Variants in CRYBG1 observed in about 807,000 individuals in gnomAD.
CRYBG1 encodes crystallin beta-gamma domain containing 1, also known as beta/gamma crystallin domain-containing protein 1.
In CRYBG1, 139 loss-of-function variants were observed where a neutral mutation model predicts 189.2. The ratio of observed to expected loss-of-function variants is 0.73; its 90% confidence interval spans 0.64 to 0.85. The LOEUF (loss-of-function observed/expected upper bound fraction) is 0.85, where lower values mean the gene tolerates loss of function less well. Among genes scored for constraint, CRYBG1 ranks in the 40% least tolerant of loss-of-function variants. The pLI is 0.00. For synonymous variants in CRYBG1, 1,023 were observed against 1,017.1 expected (o/e 1.01, Z -0.11); for missense variants, 2,611 against 2,675.8 (o/e 0.98, Z 0.53).
chr6:106,397,869 G>C (rs1770643652), intron 1 of CRYBG1, among the ~76,000 whole-genome samples: 2 of 152,150 alleles, frequency 1.3e-5, no homozygotes, highest in Non-Finnish European at 2.9e-5. Flanking sequence ...GCATAAATGT[G>C]GGAATTTGAG....
intron 2 of CRYBG1, among the ~76,000 whole-genome samples, chr6:106,485,580 C>T (rs1464193697): frequency 2.0e-5 from 3 of 152,114 alleles, no homozygotes; most frequent in Non-Finnish European, 4.4e-5. Context: ...TATTTGTGAT[C>T]ACTGTTTCAT....
intron 2 of CRYBG1, among the ~76,000 whole-genome samples, chr6:106,488,255 T>G (rs1772634590): frequency 6.6e-6 from 1 of 152,208 alleles, no homozygotes; most frequent in Non-Finnish European, 1.5e-5. Flanking sequence ...CACTGTGCTA[T>G]CTGTCAGGTC....
rs1770995479 is a variant in CRYBG1, at chr6:106,415,008, T to C, written c.174-36686T>C. ...GCAGGATTTTGAAGAAATCCTCTTC[T>C]TTTTTTTCACATAAATGTGTCTTTA... On this transcript the variant is annotated intron_variant, in intron 1 of 21. Transcript: ENST00000633556. Among the ~76,000 whole-genome samples the C allele has an allele frequency of 2.7e-5, 4 of 150,298 alleles. 1 individual carries two copies. Among genetic ancestry groups the C allele is most frequent in the Non-Finnish European group, 5.9e-5 (4 of 67,982 alleles).
chr6:106,385,450 C>A (rs959501254), intron 1 of CRYBG1, among the ~76,000 whole-genome samples: 1 of 152,270 alleles, frequency 6.6e-6, no homozygotes, highest in East Asian at 1.9e-4. Flanking sequence ...GCCAGAAAGC[C>A]ATCCAGTCAT....
chr6:106,401,218 T>G (rs1770713245), intron 1 of CRYBG1, among the ~76,000 whole-genome samples: 1 of 152,198 alleles, frequency 6.6e-6, no homozygotes, highest in Non-Finnish European at 1.5e-5. Context: ...GTTGGATTCA[T>G]TTTTTAATGA....
intron 16 of CRYBG1, among the ~76,000 whole-genome samples, chr6:106,555,088 C>A (rs1238745745): frequency 4.0e-5 from 6 of 151,784 alleles, no homozygotes; most frequent in African/African-American, 1.2e-4. Context: ...TTGCTTGAAC[C>A]CAGGAGGCAG....
intron 2 of CRYBG1, among the ~76,000 whole-genome samples, chr6:106,480,828 C>T (rs1253154993): frequency 6.7e-6 from 1 of 149,904 alleles, no homozygotes; most frequent in African/African-American, 2.4e-5. Flanking sequence ...AAAACTTAGC[C>T]AGGAAGGGTG....
chr6:106,464,786 C>T (rs1170460340), intron 2 of CRYBG1, among the ~76,000 whole-genome samples: 9 of 152,158 alleles, frequency 5.9e-5, no homozygotes, highest in Admixed American at 4.6e-4. Flanking sequence ...ATACTTCTTC[C>T]GAGAATTAAC....
At chr6:106,451,971 GTAATA>G (rs1771790337) in intron 2 of CRYBG1, 139 bp downstream of exon 2, 2 of 356,452 alleles carry the variant, frequency 5.6e-6, no homozygotes, top group Admixed American at 1.0e-4. Flanking sequence ...TATATCATAT[GTAATA>G]TATGTTATAT....
rs1413112812 is a variant in CRYBG1 at position 106,570,328 on chromosome 6, C to T, written c.*1762C>T. The T allele has an allele frequency of 2.0e-5, 3 of 152,164 alleles. No individual in the cohort carries two copies. Among genetic ancestry groups the T allele is most frequent in the Non-Finnish European group, 4.4e-5 (3 of 68,050 alleles). The allele number at this position is 152,164 out of a possible 1,614,324, so 9.4% of individuals were successfully genotyped here. Reference sequence around the variant, plus strand: ...CAGCATCCAACATATCTGTCTTGTTCCTAGATATATAGCTCTGATTTTAGG... The same window carrying T: ...CAGCATCCAACATATCTGTCTTGTTTCTAGATATATAGCTCTGATTTTAGG... On this transcript the variant is annotated 3_prime_UTR_variant, in exon 22 of 22. Transcript: ENST00000633556.
intron 1 of CRYBG1, among the ~76,000 whole-genome samples, chr6:106,381,160 C>G (rs188183919): frequency 4.0e-4 from 61 of 152,330 alleles, no homozygotes; most frequent in African/African-American, 1.4e-3. Context: ...TATCCAGACA[C>G]TCCTATATAC....
At chr6:106,560,200 ATCCAGGATTTAAGT>A (rs564301146) in intron 18 of CRYBG1, among the ~76,000 whole-genome samples, 213 of 152,334 alleles carry the variant, frequency 1.4e-3, no homozygotes, top group African/African-American at 5.0e-3. Flanking sequence ...ATAAAATTTT[ATCCAGGATTTAAGT>A]TCCAGGATTA....
chr6:106,565,398 C>T (rs567097044), intron 21 of CRYBG1, among the ~76,000 whole-genome samples: 4 of 151,904 alleles, frequency 2.6e-5, no homozygotes, highest in Admixed American at 6.5e-5. Flanking sequence ...TAATGGAGAA[C>T]GAATCTGGAC....
chr6:106,393,850 T>C (rs1182143618), intron 1 of CRYBG1, among the ~76,000 whole-genome samples: 1 of 152,078 alleles, frequency 6.6e-6, no homozygotes, highest in Non-Finnish European at 1.5e-5. Flanking sequence ...TTTATGTATT[T>C]TTAGTACAGA....
At position 106,544,665 on chromosome 6, in the gene CRYBG1, G is replaced by A. The variant is rs1229919695; in HGVS notation, c.5134G>A (p.Gly1712Arg). The A allele has an allele frequency of 1.2e-6, 2 of 1,613,992 alleles. No homozygotes were observed. Among genetic ancestry groups the A allele is most frequent in the African/African-American group, 2.7e-5 (2 of 74,932 alleles). Residue 1712 changes from glycine to arginine, a missense_variant, in exon 12 of 22, where the codon GGA becomes AGA. Physicochemically the swap from Gly to Arg is moderately radical, Grantham distance 125. Transcript: ENST00000633556. ...RDWKAWGGYNGELQSLRPILG... is the reference protein window; with the variant it reads ...RDWKAWGGYNRELQSLRPILG... ...CTGGAAAGCCTGGGGAGGTTACAAT[G>A]GAGAGCTTCAGTCTTTACGACCTAT... is the stretch of plus-strand genomic sequence containing the variant.
Position 106,511,543 on chromosome 6 carries a change from C to A in CRYBG1, c.426C>A (p.Thr142=). 2.6e-6 allele frequency: 4 copies of A among 1,535,768 alleles called. No homozygotes were observed. Among genetic ancestry groups the A allele is most frequent in the Non-Finnish European group, 8.7e-7 (1 of 1,146,626 alleles). Residue 142 remains threonine, a synonymous_variant, in exon 3 of 22, where the codon ACC becomes ACA. Transcript: ENST00000633556. ...GTAGAAACGGGTTAGAGAGTCCCAC[C>A]AGATCAAATGCCAAACCACTCTCTC... ...RNSRNGLESP[T]RSNAKPLSPK...
At chr6:106,461,524 G>A (rs941709290) in intron 2 of CRYBG1, among the ~76,000 whole-genome samples, 2 of 152,212 alleles carry the variant, frequency 1.3e-5, no homozygotes, top group African/African-American at 4.8e-5. Context: ...TGACTGGAGA[G>A]ATGAAAACTT....
intron 1 of CRYBG1, among the ~76,000 whole-genome samples, chr6:106,450,314 C>G (rs1334243090): frequency 2.0e-5 from 3 of 152,226 alleles, no homozygotes; most frequent in African/African-American, 7.2e-5. Flanking sequence ...TCTTCCTGCC[C>G]TTCTAAAGTG....
chr6:106,493,418 T>C (rs972865086), intron 2 of CRYBG1, among the ~76,000 whole-genome samples: 1 of 152,182 alleles, frequency 6.6e-6, no homozygotes, highest in Non-Finnish European at 1.5e-5. Flanking sequence ...GCAGCTACTA[T>C]AGGAAAGAGT....
Sources: allele counts gnomAD v4.1 joint callset (sites outside exome capture counted in the v4.1 genomes callset), GRCh38; gene constraint gnomAD v4.1.1; transcripts MANE v1.5; gene names NCBI Gene and HGNC (gene_info 2026-07-23, HGNC 2026-07-21).